Variants in CSMD1 observed in about 807,000 individuals in gnomAD.
The protein encoded by CSMD1 is CUB and Sushi multiple domains 1.
Under a neutral mutation model 417.5 loss-of-function variants are expected in CSMD1, and 213 were observed. The ratio of observed to expected loss-of-function variants is 0.51; its 90% CI spans 0.46 to 0.57. The LOEUF (loss-of-function observed/expected upper bound fraction) is 0.57, where lower values mean the gene tolerates loss of function less well. Ranked by LOEUF, CSMD1 falls within the 20% of genes least tolerant of loss-of-function variation. The probability of loss-of-function intolerance (pLI) is 0.00; values close to 1 mark genes in which losing one functional copy is unlikely to be tolerated. For synonymous variants in CSMD1, 2,862 were observed against 1,736.8 expected, an observed-to-expected ratio of 1.65 and a Z score of -16.11; for missense variants, 6,923 against 4,529.7, an observed-to-expected ratio of 1.53 and a Z score of -15.17.
intron 2 of CSMD1, among the ~76,000 whole-genome samples, chr8:4,563,355 C>A (rs1441240556): frequency 6.6e-6 from 1 of 152,090 alleles, no homozygotes; most frequent in African/African-American, 2.4e-5. Flanking sequence ...GAGCTCAGAT[C>A]GTGCCGCTGC....
At chr8:4,839,809 A>G (rs1800730047) in intron 1 of CSMD1, among the ~76,000 whole-genome samples, 1 of 152,224 alleles carries the variant, frequency 6.6e-6, no homozygotes, top group Admixed American at 6.5e-5. Flanking sequence ...TGAATTAAAT[A>G]TCGTTAAAAA....
intron 3 of CSMD1, among the ~76,000 whole-genome samples, chr8:4,071,180 C>A (rs1383718132): frequency 6.6e-6 from 1 of 151,636 alleles, no homozygotes; most frequent in African/African-American, 2.4e-5. Context: ...GATAGTTTCT[C>A]CCTTATTCTC....
intron 2 of CSMD1, among the ~76,000 whole-genome samples, chr8:4,547,550 G>A (rs899711485): frequency 1.1e-4 from 17 of 152,068 alleles, no homozygotes; most frequent in South Asian, 1.0e-3. Context: ...TTACCTGTTC[G>A]TAGATACTTG....
At chr8:3,765,989 A>C (rs1798247701) in intron 5 of CSMD1, among the ~76,000 whole-genome samples, 1 of 152,250 alleles carries the variant, frequency 6.6e-6, no homozygotes, top group Non-Finnish European at 1.5e-5. Context: ...GAGGTCAGGC[A>C]GAGAGGATCA....
chr8:4,836,051 G>T (rs538341830), intron 1 of CSMD1, among the ~76,000 whole-genome samples: 1 of 152,208 alleles, frequency 6.6e-6, no homozygotes, highest in African/African-American at 2.4e-5. Context: ...CTTCAAACGA[G>T]TTCACAGTTT....
At position 3,997,905 on chromosome 8, in the gene CSMD1, T is replaced by C. The variant is rs1306287160; in HGVS notation, c.816A>G (p.Ile272Met). 1.9e-6 allele frequency: 3 copies of C among 1,611,518 alleles called. No homozygotes were observed. Among genetic ancestry groups the C allele is most frequent in the East Asian group, 2.2e-5 (1 of 44,808 alleles). The change falls in exon 5 of 70, where the codon ATA (isoleucine) becomes ATG (methionine). Residue 272 changes from isoleucine (I) to methionine (M), a missense_variant and splice_region_variant. By Grantham distance (10) the Ile-to-Met change is conservative. Transcript: ENST00000635120. ...TGGCATCTCTTCCCGGGACTTACCA[T>C]ATGGATGGAGCTTCCGTGCCACTGA... ...LEISGTEAPS[I>M]WLTGMNLPSP...
intron 3 of CSMD1, among the ~76,000 whole-genome samples, chr8:4,340,154 C>G (rs981745179): frequency 6.6e-6 from 1 of 152,078 alleles, no homozygotes. Context: ...TTAACATGTT[C>G]TATTTTCTTG....
At chr8:3,600,460 G>A (rs190065180) in intron 8 of CSMD1, among the ~76,000 whole-genome samples, 58 of 152,302 alleles carry the variant, frequency 3.8e-4, no homozygotes, top group Admixed American at 1.0e-3. Context: ...AGGGTCAAGT[G>A]TATCAGAATC....
chr8:4,246,334 C>T (rs1463640067), intron 3 of CSMD1, among the ~76,000 whole-genome samples: 1 of 152,210 alleles, frequency 6.6e-6, no homozygotes, highest in African/African-American at 2.4e-5. Flanking sequence ...CCATCCACGT[C>T]CTTGCAAAGG....
chr8:4,131,416 C>G (rs1250940534), intron 3 of CSMD1, among the ~76,000 whole-genome samples: 8 of 152,216 alleles, frequency 5.3e-5, no homozygotes, highest in African/African-American at 1.7e-4. Context: ...ATTTGTACCA[C>G]CTCTCTCTCA....
chr8:3,055,321 C>T (rs967426162), intron 49 of CSMD1, among the ~76,000 whole-genome samples: 10 of 152,216 alleles, frequency 6.6e-5, no homozygotes, highest in African/African-American at 2.2e-4. Context: ...GATCAACAAC[C>T]GGGAATCTTT....
At chr8:4,398,584 A>G (rs1253537151) in intron 3 of CSMD1, among the ~76,000 whole-genome samples, 1 of 151,400 alleles carries the variant, frequency 6.6e-6, no homozygotes. Flanking sequence ...TTTAGTAGAG[A>G]CGGGGTTTCA....
intron 1 of CSMD1, among the ~76,000 whole-genome samples, chr8:4,658,138 A>G (rs183855479): frequency 5.3e-4 from 81 of 152,266 alleles, no homozygotes; most frequent in African/African-American, 1.9e-3. Context: ...TATGCATAAT[A>G]AAAAATCCAA....
intron 3 of CSMD1, among the ~76,000 whole-genome samples, chr8:4,312,603 A>G (rs964106142): frequency 6.7e-6 from 1 of 148,534 alleles, no homozygotes; most frequent in African/African-American, 2.6e-5. Flanking sequence ...TTGGCCAGGC[A>G]CAGTGTCTCA....
chr8:3,520,140 A>T (rs1797447419), intron 10 of CSMD1, among the ~76,000 whole-genome samples: 1 of 151,920 alleles, frequency 6.6e-6, no homozygotes, highest in African/African-American at 2.4e-5. Context: ...AATTTATATG[A>T]GAATTACTGT....
At chr8:4,858,562 CA>C (rs1801942884) in intron 1 of CSMD1, among the ~76,000 whole-genome samples, 1 of 152,188 alleles carries the variant, frequency 6.6e-6, no homozygotes, top group Admixed American at 6.5e-5. Flanking sequence ...ACAACTTCGG[CA>C]AAGTCTCAGG....
At chr8:3,181,377 A>G (rs574560119) in intron 36 of CSMD1, among the ~76,000 whole-genome samples, 163 bp from the exon 37 acceptor site, 1 of 152,248 alleles carries the variant, frequency 6.6e-6, no homozygotes, top group South Asian at 2.1e-4. Flanking sequence ...CAGCCATTCT[A>G]TTTTTCTAGG....
intron 1 of CSMD1, among the ~76,000 whole-genome samples, chr8:4,722,850 C>G (rs1298863886): frequency 6.6e-6 from 1 of 152,052 alleles, no homozygotes; most frequent in Non-Finnish European, 1.5e-5. Flanking sequence ...AATGACACTG[C>G]TTTAGATATC....
intron 10 of CSMD1, among the ~76,000 whole-genome samples, chr8:3,535,659 T>G (rs758367472): frequency 6.6e-6 from 1 of 152,228 alleles, no homozygotes; most frequent in African/African-American, 2.4e-5. Flanking sequence ...TCTTAACCAC[T>G]ACAAAATCTA....
Sources: gnomAD v4.1 joint callset for allele counts (sites outside exome capture counted in the v4.1 genomes callset) on GRCh38, gnomAD v4.1.1 for gene constraint, MANE v1.5 for transcripts, NCBI Gene and HGNC (gene_info 2026-07-23, HGNC 2026-07-21) for gene names.